The following PTPRJ variants were observed in gnomAD, a reference collection of about 807,000 sequenced individuals.
PTPRJ encodes the protein protein tyrosine phosphatase receptor type J.
In PTPRJ, 129 loss-of-function variants were observed where a neutral mutation model predicts 141.3. The ratio of observed to expected loss-of-function variants is 0.91; its 90% CI spans 0.79 to 1.06. PTPRJ has a LOEUF of 1.06. Ranked by LOEUF, PTPRJ falls within the 50% of genes least tolerant of loss-of-function variation. The pLI, the probability that PTPRJ is intolerant of heterozygous loss-of-function variation, is 0.00. For missense variants in PTPRJ, 1,601 were observed against 1,679.7 expected (o/e 0.95, Z 0.82); for synonymous variants, 610 against 640.5 (o/e 0.95, Z 0.72).
intron 1 of PTPRJ, among the ~76,000 whole-genome samples, chr11:48,093,342 T>A (rs1855919099): frequency 6.6e-6 from 1 of 152,248 alleles, no homozygotes; most frequent in Non-Finnish European, 1.5e-5. Flanking sequence ...TTGTGATATG[T>A]TTCAGGAATT....
chr11:48,150,241 T>C (rs10734565), intron 18 of PTPRJ, 58 bp downstream of exon 18: 1,490,673 of 1,495,756 alleles, frequency 1, 742,949 homozygotes, highest in East Asian at 1. Context: ...AGCTGGGATC[T>C]GAGGGGAGTT....
In PTPRJ at chr11:48,109,270, G is replaced by T. The variant is rs1032983881; in HGVS notation, c.97-788G>T. 9.2e-5 allele frequency among the ~76,000 whole-genome samples: 12 copies of T among 130,794 alleles called. 2 individuals carry two copies. The South Asian group carries it at 3.0e-3, about 32-fold the overall frequency. The allele number at this position is 130,794 out of a possible 152,430, so 85.8% of individuals were successfully genotyped here. On this transcript the variant is annotated intron_variant, in intron 1 of 24. Coordinates refer to ENST00000418331, the MANE Select transcript of PTPRJ (RefSeq NM_002843.4). ...GTCCTTTTTGATTATTTTATTCTTC[G>T]TGACGATCCTACTTAAAAAAAAAAA... is the stretch of plus-strand genomic sequence containing the variant.
chr11:48,068,391 C>A (rs762720639), intron 1 of PTPRJ, among the ~76,000 whole-genome samples: 2 of 152,126 alleles, frequency 1.3e-5, no homozygotes, highest in Non-Finnish European at 2.9e-5. Context: ...CCATACTATT[C>A]TGGTGGTAGT....
chr11:47,980,977 C>G lies in PTPRJ; in HGVS notation c.65C>G (p.Pro22Arg). The G allele has an allele frequency of 8.4e-7, 1 of 1,191,918 alleles. No individual in the cohort carries two copies. Among genetic ancestry groups the G allele is most frequent in the Non-Finnish European group, 1.0e-6 (1 of 963,612 alleles). The allele number at this position is 1,191,918 out of a possible 1,614,324, so 73.8% of individuals were successfully genotyped here. The change falls in exon 1 of 25, where the codon CCG becomes CGG. Residue 22 changes from proline to arginine, a missense_variant. Coordinates refer to ENST00000418331, the MANE Select transcript of PTPRJ (RefSeq NM_002843.4). ...PRSPGLRWALPLLLLLLRLGQ... is the reference protein window; with the variant it reads ...PRSPGLRWALRLLLLLLRLGQ... ...TCGCCCGGGCTGCGCTGGGCGCTGCCGCTGCTGCTGCTGCTGCTGCGCCTG... is the reference window on the plus strand; with the variant it reads ...TCGCCCGGGCTGCGCTGGGCGCTGCGGCTGCTGCTGCTGCTGCTGCGCCTG...
intron 1 of PTPRJ, among the ~76,000 whole-genome samples, chr11:48,105,320 C>T (rs146349425): frequency 6.6e-6 from 1 of 152,264 alleles, no homozygotes; most frequent in South Asian, 2.1e-4. Context: ...ATCTTTGGCA[C>T]CTAACCTGGG....
chr11:48,113,839 C>A (rs560272634), intron 3 of PTPRJ, among the ~76,000 whole-genome samples: 3 of 151,886 alleles, frequency 2.0e-5, no homozygotes, highest in Non-Finnish European at 2.9e-5. Context: ...TTTTTTATTT[C>A]TAATACAGTA....
chr11:48,165,996 G>T (rs1014850850), intron 24 of PTPRJ, among the ~76,000 whole-genome samples: 1 of 151,850 alleles, frequency 6.6e-6, no homozygotes, highest in Non-Finnish European at 1.5e-5. Flanking sequence ...AAGTAGCTGG[G>T]ACTACAGGCG....
intron 14 of PTPRJ, among the ~76,000 whole-genome samples, chr11:48,146,238 C>T (rs964854848): frequency 1.3e-5 from 2 of 152,126 alleles, no homozygotes; most frequent in South Asian, 4.1e-4. Flanking sequence ...GGTCTTGGAC[C>T]CTTGTTAAGT....
intron 1 of PTPRJ, among the ~76,000 whole-genome samples, chr11:48,021,836 C>A (rs528726091): frequency 6.6e-6 from 1 of 152,086 alleles, no homozygotes; most frequent in Non-Finnish European, 1.5e-5. Context: ...AAGGGAAACT[C>A]TGGATGATAT....
At chr11:48,005,498 G>T (rs1222848248) in intron 1 of PTPRJ, among the ~76,000 whole-genome samples, 1 of 152,198 alleles carries the variant, frequency 6.6e-6, no homozygotes, top group Non-Finnish European at 1.5e-5. Context: ...TGTTTTCAAG[G>T]TCCATCCATG....
At chr11:48,006,298 G>A (rs920217956) in intron 1 of PTPRJ, among the ~76,000 whole-genome samples, 1 of 152,126 alleles carries the variant, frequency 6.6e-6, no homozygotes, top group African/African-American at 2.4e-5. Flanking sequence ...GAGAGAGAGA[G>A]AGAGAGGGAG....
chr11:48,125,308 C>T, intron 6 of PTPRJ, 122 bp downstream of exon 6: 1 of 1,073,784 alleles, frequency 9.3e-7, no homozygotes, highest in Non-Finnish European at 1.4e-6. Flanking sequence ...GAGGGAGCTT[C>T]CTGGAGGAGA....
At chr11:48,053,143 T>A (rs1854619241) in intron 1 of PTPRJ, among the ~76,000 whole-genome samples, 3 of 110,472 alleles carry the variant, frequency 2.7e-5, no homozygotes, top group African/African-American at 7.0e-5. Flanking sequence ...TATAAATATA[T>A]AAAAATAAAT....
intron 1 of PTPRJ, among the ~76,000 whole-genome samples, chr11:48,001,241 C>G (rs1365317850): frequency 6.6e-6 from 1 of 152,012 alleles, no homozygotes; most frequent in Non-Finnish European, 1.5e-5. Flanking sequence ...GATCTGCCTG[C>G]CTTGGCATCC....
intron 1 of PTPRJ, among the ~76,000 whole-genome samples, chr11:48,046,908 ATATATTTTTTTT>A (rs1437698906): frequency 2.3e-5 from 2 of 85,910 alleles, no homozygotes; most frequent in Non-Finnish European, 4.1e-5. Flanking sequence ...ATATATATAT[ATATATTTTTTTT>A]TTTTTTTTTT....
chr11:48,130,681 C>T lies in PTPRJ; in HGVS notation c.1580C>T (p.Thr527Ile). Residue 527 changes from threonine (T) to isoleucine (I), a missense_variant, in exon 8 of 25, where the codon ACT becomes ATT. Transcript: ENST00000418331. ...ATAGTTCCAAAAGGACCAAATGGGACTGAAGGGGCATCTCGGACAGTTTGC... is the reference window on the plus strand; with the variant it reads ...ATAGTTCCAAAAGGACCAAATGGGATTGAAGGGGCATCTCGGACAGTTTGC... Reference protein sequence around the residue: ...FEIVPKGPNGTEGASRTVCNR... With the variant: ...FEIVPKGPNGIEGASRTVCNR... 1 of 1,613,840 alleles carries T rather than the reference C, an allele frequency of 6.2e-7. No individual in the cohort carries two copies. The highest frequency in any genetic ancestry group is 2.2e-5 in the East Asian group (1 of 44,858).
intron 11 of PTPRJ, among the ~76,000 whole-genome samples, chr11:48,141,987 A>G (rs1857241711): frequency 6.6e-6 from 1 of 150,666 alleles, no homozygotes; most frequent in South Asian, 2.1e-4. Flanking sequence ...TTTAGGTCTA[A>G]TGTTTAAGGC....
intron 21 of PTPRJ, 58 bp downstream of exon 21, chr11:48,156,177 G>A: frequency 4.3e-6 from 6 of 1,409,414 alleles, no homozygotes; most frequent in Non-Finnish European, 5.9e-6. Context: ...TTTTATTGTG[G>A]CAGAAGGGTA....
chr11:48,044,689 C>T (rs1030694132), intron 1 of PTPRJ: 3 of 152,170 alleles, frequency 2.0e-5, no homozygotes, highest in African/African-American at 4.8e-5. Flanking sequence ...GACTGGTATT[C>T]GTTCCTCTAC....
Sources: gnomAD v4.1 joint callset for allele counts (sites outside exome capture counted in the v4.1 genomes callset) on GRCh38, gnomAD v4.1.1 for gene constraint, MANE v1.5 for transcripts, NCBI Gene and HGNC (gene_info 2026-07-23, HGNC 2026-07-21) for gene names.